The following FAIM2 variants were observed in gnomAD, a reference collection of about 807,000 sequenced individuals.
FAIM2 encodes the protein Fas apoptotic inhibitory molecule 2.
Under a neutral mutation model 47.4 loss-of-function variants are expected in FAIM2, and 27 were observed. The observed-to-expected ratio is 0.57, with a 90% CI of 0.42 to 0.78. The LOEUF (loss-of-function observed/expected upper bound fraction) is 0.78. FAIM2 is among the 30% of genes least tolerant of loss of function. FAIM2 has a pLI of 0.00. For missense variants in FAIM2, 311 were observed against 389.4 expected, an observed-to-expected ratio of 0.80 and a Z score of 1.69; for synonymous variants, 156 against 159.3, an observed-to-expected ratio of 0.98 and a Z score of 0.16.
Position 49,867,042 on chromosome 12 carries a change from T to C in FAIM2, c.*3462A>G, listed in dbSNP as rs1044677. The C allele has an allele frequency of 0.73, 111,071 of 152,272 alleles. 40,870 individuals carry two copies. Among genetic ancestry groups the C allele is most frequent in the East Asian group, 0.92 (4,725 of 5,148 alleles). The allele number at this position is 152,272 out of a possible 1,614,324, so 9.4% of individuals were successfully genotyped here. A position where few individuals can be genotyped will look rare whatever the true frequency, so the allele number is the denominator to read the frequency against. The stretch of plus-strand genomic sequence containing the variant: ...GCAGGAGTGTCGGGGGTGTGGCAGC[T>C]GGCCTGGGTCCCTGGAGCTGTGTCT... On this transcript the variant is annotated 3_prime_UTR_variant, in exon 12 of 12. Coordinates refer to ENST00000320634, the MANE Select transcript of FAIM2 (RefSeq NM_012306.4).
In FAIM2 at chr12:49,897,849, C is replaced by T. The variant is rs548159588; in HGVS notation, c.315+138G>A. 8.7e-5 allele frequency: 61 copies of T among 697,854 alleles called. No individual in the cohort carries two copies. The Middle Eastern group carries it at 1.2e-3, about 13-fold the overall frequency. The allele number at this position is 697,854 out of a possible 1,614,324, so 43.2% of individuals were successfully genotyped here. On this transcript the variant is annotated intron_variant, in intron 3 of 11. Coordinates refer to ENST00000320634, the MANE Select transcript of FAIM2 (RefSeq NM_012306.4). ...TGGAGTGACACCTAAGGAAGCAATT[C>T]CTAGTGGGTGCTGTCAGCTGGGATC...
At chr12:49,887,084 C>T (rs1002056550) in intron 11 of FAIM2, among the ~76,000 whole-genome samples, 1 of 152,084 alleles carries the variant, frequency 6.6e-6, no homozygotes, top group Non-Finnish European at 1.5e-5. Flanking sequence ...CTCTCGCCCC[C>T]GCAAGCACCG....
chr12:49,884,790 C>T (rs560314427), intron 11 of FAIM2, among the ~76,000 whole-genome samples: 6 of 152,302 alleles, frequency 3.9e-5, no homozygotes, highest in East Asian at 1.9e-4. Flanking sequence ...CTGGCTAACA[C>T]AGTGAAAGCT....
chr12:49,871,384 C>A (rs1946701599), intron 11 of FAIM2, among the ~76,000 whole-genome samples: 1 of 152,114 alleles, frequency 6.6e-6, no homozygotes, highest in South Asian at 2.1e-4. Context: ...TCCCTGGGGC[C>A]CTGCTTGGCC....
chr12:49,891,622 A>G (rs796350952), intron 5 of FAIM2, among the ~76,000 whole-genome samples: 4 of 151,980 alleles, frequency 2.6e-5, no homozygotes, highest in African/African-American at 9.7e-5. Flanking sequence ...ACTGCCCCAC[A>G]CTGCCCCACA....
intron 2 of FAIM2, among the ~76,000 whole-genome samples, chr12:49,900,918 C>T (rs1946977229): frequency 6.6e-6 from 1 of 152,180 alleles, no homozygotes; most frequent in East Asian, 1.9e-4. Flanking sequence ...ATTGAGAGCA[C>T]CCTGATGCAG....
chr12:49,903,791 ATGGTGCCG>A lies in FAIM2; in HGVS notation c.-7_1del. The A allele has an allele frequency of 6.5e-7, 1 of 1,545,828 alleles. No individual in the cohort carries two copies. The highest frequency in any genetic ancestry group is 8.7e-7 in the Non-Finnish European group (1 of 1,144,498). On this transcript the variant is annotated start_lost and start_retained_variant and 5_prime_UTR_variant, in exon 1 of 12. Transcript: ENST00000320634. ...AGATGCCGGTACCTTTCCCTGGGTCATGGTGCCGTCTCTCGGGGAAGGGGTCCCTGAGG... is the reference window on the plus strand; with the variant it reads ...AGATGCCGGTACCTTTCCCTGGGTCATCTCTCGGGGAAGGGGTCCCTGAGG...
At chr12:49,898,684 G>A (rs752524604) in intron 2 of FAIM2, among the ~76,000 whole-genome samples, 2 of 152,014 alleles carry the variant, frequency 1.3e-5, no homozygotes, top group Non-Finnish European at 2.9e-5. Context: ...ACACCATCAC[G>A]CCTGGCTAAT....
At chr12:49,871,823 C>T (rs555757925) in intron 11 of FAIM2, among the ~76,000 whole-genome samples, 1 of 152,176 alleles carries the variant, frequency 6.6e-6, no homozygotes, top group Admixed American at 6.5e-5. Context: ...TGTGCCACCA[C>T]ACCCAGCTAA....
rs370042087 is a variant in FAIM2, at chr12:49,901,350, G to T, written c.16-25C>A. Reference sequence around the variant, plus strand: ...GCTATGGAGTAGAGTCAGAGAGAGAGATAGTCACCAGGGAAAGGGAGCCTT... The same window carrying T: ...GCTATGGAGTAGAGTCAGAGAGAGATATAGTCACCAGGGAAAGGGAGCCTT... On this transcript the variant is annotated intron_variant, in intron 1 of 11. Coordinates refer to ENST00000320634, the MANE Select transcript of FAIM2 (RefSeq NM_012306.4). 996 of 1,482,096 alleles carry T rather than the reference G, an allele frequency of 6.7e-4. 2 individuals carry two copies. The highest frequency in any genetic ancestry group is 7.2e-4 in the Non-Finnish European group (801 of 1,118,014). 91.8% of individuals were successfully genotyped at this position (1,482,096 alleles called of 1,614,324 possible).
chr12:49,879,422 ATG>A (rs962235225), intron 11 of FAIM2, among the ~76,000 whole-genome samples: 3 of 131,172 alleles, frequency 2.3e-5, no homozygotes, highest in Non-Finnish European at 3.2e-5. Flanking sequence ...ATGTGAGTGT[ATG>A]TGTGTATGTG....
chr12:49,877,589 G>T (rs1248263), intron 11 of FAIM2, among the ~76,000 whole-genome samples: 10,105 of 34,648 alleles, frequency 0.29, 2,024 homozygotes, highest in African/African-American at 0.39. Flanking sequence ...TGTGAGGAAG[G>T]TAGGGCATAT....
chr12:49,896,337 A>T (rs1452854700), intron 5 of FAIM2, among the ~76,000 whole-genome samples: 5 of 152,108 alleles, frequency 3.3e-5, no homozygotes, highest in Non-Finnish European at 7.4e-5. Flanking sequence ...TCCTCTCCCA[A>T]GTTACTGGCC....
At chr12:49,898,148 C>A in intron 2 of FAIM2, 58 bp from the exon 3 acceptor site, 1 of 1,249,344 alleles carries the variant, frequency 8.0e-7, no homozygotes, top group South Asian at 1.2e-5. Context: ...AATTACTGTC[C>A]CCAACAGCCC....
At position 49,870,258 on chromosome 12, in the gene FAIM2, C is replaced by T. The variant is rs144416758; in HGVS notation, c.*246G>A. 89 of 413,784 alleles carry T rather than the reference C, an allele frequency of 2.2e-4. 1 individual carries two copies. The highest frequency in any genetic ancestry group is 2.0e-3 in the Admixed American group (54 of 26,638). 25.6% of individuals were successfully genotyped at this position (413,784 alleles called of 1,614,324 possible). ...ACCCAGAGGAGCCTTCAGCCTTGAC[C>T]GTCCCAGTTTGGAAGATGTAACGGG... is the stretch of plus-strand genomic sequence containing the variant. On this transcript the variant is annotated 3_prime_UTR_variant, in exon 12 of 12. Transcript: ENST00000320634.
chr12:49,877,714 C>T (rs73116304), intron 11 of FAIM2, among the ~76,000 whole-genome samples: 36,698 of 150,114 alleles, frequency 0.24, 5,170 homozygotes, highest in East Asian at 0.4. Context: ...TGTGTGTGCG[C>T]GCACACGGCA....
intron 1 of FAIM2, chr12:49,901,682 T>C: frequency 5.6e-6 from 1 of 177,446 alleles, no homozygotes; most frequent in Non-Finnish European, 1.2e-5. Flanking sequence ...AAAGGTTATG[T>C]CATTTAATCT....
intron 10 of FAIM2, among the ~76,000 whole-genome samples, chr12:49,888,060 G>A (rs1946873976): frequency 6.6e-6 from 1 of 152,188 alleles, no homozygotes; most frequent in African/African-American, 2.4e-5. Flanking sequence ...AGGAGGCACC[G>A]CACTAGGGCC....
chr12:49,897,486 C>T (rs1359605885), intron 4 of FAIM2, 33 bp downstream of exon 4: 1 of 1,604,674 alleles, frequency 6.2e-7, no homozygotes, highest in South Asian at 1.1e-5. Context: ...CATAGTCATC[C>T]CTGGAAGGTG....
Sources: gnomAD v4.1 joint callset for allele counts (sites outside exome capture counted in the v4.1 genomes callset) on GRCh38, gnomAD v4.1.1 for gene constraint, MANE v1.5 for transcripts, NCBI Gene and HGNC (gene_info 2026-07-23, HGNC 2026-07-21) for gene names.